ANKS1B: variants seen among roughly 807,000 people sequenced by gnomAD.
ANKS1B encodes ankyrin repeat and sterile alpha motif domain containing 1B.
In ANKS1B, 36 loss-of-function variants were observed where a neutral mutation model predicts 148.3. That is an observed-to-expected ratio of 0.24 (90% CI 0.19 to 0.32). The LOEUF (loss-of-function observed/expected upper bound fraction) is 0.32. Among genes scored for constraint, ANKS1B ranks in the 10% least tolerant of loss-of-function variants. The pLI is 1.00. For synonymous variants in ANKS1B, 542 were observed against 560.8 expected (o/e 0.97, Z 0.47); for missense variants, 1,157 against 1,542.6 (o/e 0.75, Z 4.19).
At chr12:98,976,719 C>T (rs2099896874) in intron 17 of ANKS1B, 1 of 152,098 alleles carries the variant, frequency 6.6e-6, no homozygotes, top group Non-Finnish European at 1.5e-5. Flanking sequence ...ATAAAAAACA[C>T]ACATGGCTCA....
intron 1 of ANKS1B, among the ~76,000 whole-genome samples, chr12:99,963,882 A>G (rs982174798): frequency 1.3e-5 from 2 of 152,206 alleles, no homozygotes; most frequent in African/African-American, 2.4e-5. Context: ...AGAAAAACCT[A>G]CTTGCTGGAA....
At chr12:99,772,853 C>G in intron 8 of ANKS1B, 69 bp downstream of exon 8, 2 of 1,457,964 alleles carry the variant, frequency 1.4e-6, no homozygotes, top group South Asian at 1.4e-5. Context: ...ACATCCCATA[C>G]CTCTTAAGTG....
intron 19 of ANKS1B, among the ~76,000 whole-genome samples, chr12:98,811,075 A>G (rs1260566417): frequency 6.9e-6 from 1 of 144,960 alleles, no homozygotes; most frequent in African/African-American, 2.6e-5. Context: ...TGGCAGCCGC[A>G]CTGCTTTTCA....
chr12:99,794,062 A>G (rs192262674), intron 4 of ANKS1B, among the ~76,000 whole-genome samples: 2 of 152,280 alleles, frequency 1.3e-5, no homozygotes, highest in East Asian at 3.9e-4. Context: ...AAACAGGTAT[A>G]TGAAAAGGTG....
intron 9 of ANKS1B, among the ~76,000 whole-genome samples, chr12:99,596,578 T>C (rs1597794410): frequency 6.6e-6 from 1 of 152,070 alleles, no homozygotes; most frequent in East Asian, 1.9e-4. Flanking sequence ...GCTTATTTCA[T>C]GCAATTTTAA....
chr12:99,817,165 C>CCT (rs60935129), intron 2 of ANKS1B, among the ~76,000 whole-genome samples: 1 of 148,506 alleles, frequency 6.7e-6, no homozygotes, highest in African/African-American at 2.5e-5. Flanking sequence ...CTCTTCTCCC[C>CCT]CCCCCCTTTC....
chr12:99,687,105 T>C (rs190875533), intron 8 of ANKS1B, among the ~76,000 whole-genome samples: 3 of 152,282 alleles, frequency 2.0e-5, no homozygotes, highest in Admixed American at 2.0e-4. Flanking sequence ...TAAATGCAAA[T>C]AAAATTATAA....
At chr12:99,048,357 C>T (rs1028249722) in intron 17 of ANKS1B, among the ~76,000 whole-genome samples, 13 of 152,080 alleles carry the variant, frequency 8.5e-5, no homozygotes, top group Admixed American at 2.6e-4. Context: ...TCATTTGTTG[C>T]GGAGTGTTCA....
intron 12 of ANKS1B, among the ~76,000 whole-genome samples, chr12:99,270,761 T>C (rs114915299): frequency 1.8e-3 from 276 of 152,354 alleles, no homozygotes; most frequent in African/African-American, 6.3e-3. Flanking sequence ...AAGCTCTTCA[T>C]TGGTTCTTCA....
At chr12:99,962,254 T>C (rs1336004874) in intron 1 of ANKS1B, among the ~76,000 whole-genome samples, 21 of 151,132 alleles carry the variant, frequency 1.4e-4, no homozygotes, top group Admixed American at 1.4e-3. Flanking sequence ...CCTGTGTCCA[T>C]GTGTTCTCAT....
At chr12:99,324,544 G>C (rs147488077) in intron 12 of ANKS1B, among the ~76,000 whole-genome samples, 253 of 152,166 alleles carry the variant, frequency 1.7e-3, no homozygotes, top group African/African-American at 5.9e-3. Flanking sequence ...CTTTCAAATA[G>C]AGTCTATATT....
rs567015703 is a variant in ANKS1B, at chr12:99,117,339, C to T, written c.2527-32316G>A. On this transcript the variant is annotated intron_variant, in intron 15 of 26. Transcript: ENST00000683438. ...AGTATGATATGGGCTGTGGGTTTGT[C>T]ATAAATAGCTCTTATTATTTTGAGA... 1.2e-4 allele frequency among the ~76,000 whole-genome samples: 19 copies of T among 152,254 alleles called. No individual in the cohort carries two copies. The South Asian group carries it at 3.9e-3, about 32-fold the overall frequency.
chr12:99,449,599 C>T (rs1207132853), intron 10 of ANKS1B, among the ~76,000 whole-genome samples: 1 of 152,040 alleles, frequency 6.6e-6, no homozygotes, highest in Non-Finnish European at 1.5e-5. Flanking sequence ...TTTTTAGGCA[C>T]ATAATAGGGG....
chr12:99,836,011 T>A (rs868536550), intron 1 of ANKS1B, among the ~76,000 whole-genome samples: 4 of 152,198 alleles, frequency 2.6e-5, no homozygotes, highest in Admixed American at 6.5e-5. Flanking sequence ...CCATATGAGT[T>A]TATTGAATGA....
intron 14 of ANKS1B, among the ~76,000 whole-genome samples, chr12:99,182,218 T>C (rs1160814303): frequency 1.3e-5 from 2 of 152,100 alleles, no homozygotes; most frequent in African/African-American, 4.8e-5. Flanking sequence ...CTTGCTATCA[T>C]GAGAACAGCA....
chr12:99,625,853 A>G (rs924191523), intron 9 of ANKS1B, among the ~76,000 whole-genome samples: 6 of 152,128 alleles, frequency 3.9e-5, no homozygotes, highest in African/African-American at 1.4e-4. Context: ...GAGTAATAAA[A>G]GGGTAATGAT....
intron 17 of ANKS1B, among the ~76,000 whole-genome samples, chr12:98,889,687 T>C (rs1013255324): frequency 1.2e-4 from 18 of 152,244 alleles, no homozygotes; most frequent in African/African-American, 2.7e-4. Flanking sequence ...TGGTTTTTTA[T>C]TGTGTATAAC....
intron 9 of ANKS1B, among the ~76,000 whole-genome samples, chr12:99,563,276 C>T (rs1444298082): frequency 6.6e-6 from 1 of 152,138 alleles, no homozygotes; most frequent in East Asian, 1.9e-4. Flanking sequence ...GCATAAGATG[C>T]CTAGCTTTGG....
At chr12:99,084,243 G>A (rs1352030973) in intron 16 of ANKS1B, among the ~76,000 whole-genome samples, 9 of 152,132 alleles carry the variant, frequency 5.9e-5, no homozygotes, top group Non-Finnish European at 1.2e-4. Context: ...TATGGGGCAG[G>A]AGGCTTTTAA....
Sources: gnomAD v4.1 joint callset for allele counts (sites outside exome capture counted in the v4.1 genomes callset) on GRCh38, gnomAD v4.1.1 for gene constraint, MANE v1.5 for transcripts, NCBI Gene and HGNC (gene_info 2026-07-23, HGNC 2026-07-21) for gene names.